Variants in CPEB3 observed in about 807,000 individuals in gnomAD.
The protein encoded by CPEB3 is cytoplasmic polyadenylation element binding protein 3.
Under a neutral mutation model 67.2 loss-of-function variants are expected in CPEB3, and 20 were observed. The observed-to-expected ratio is 0.30, with a 90% CI of 0.21 to 0.43. The LOEUF (loss-of-function observed/expected upper bound fraction) is 0.43. Among genes scored for constraint, CPEB3 ranks in the 20% least tolerant of loss-of-function variants. The pLI is 1.00. For synonymous variants in CPEB3, 376 were observed against 393.1 expected, an observed-to-expected ratio of 0.96 and a Z score of 0.51; for missense variants, 746 against 968.6, an observed-to-expected ratio of 0.77 and a Z score of 3.05.
intron 8 of CPEB3, among the ~76,000 whole-genome samples, chr10:92,087,965 G>A (rs12256118): frequency 0.27 from 40,914 of 152,012 alleles, 5,582 homozygotes; most frequent in Middle Eastern, 0.32. Flanking sequence ...CTTTCCTAAT[G>A]TGAGGGCAGG....
At chr10:92,236,786 T>C (rs1365442745) in intron 2 of CPEB3, among the ~76,000 whole-genome samples, 1 of 152,130 alleles carries the variant, frequency 6.6e-6, no homozygotes, top group East Asian at 1.9e-4. Context: ...GTGATTGCTT[T>C]TGCAATATAA....
intron 6 of CPEB3, among the ~76,000 whole-genome samples, chr10:92,114,652 C>A (rs1259045536): frequency 6.6e-6 from 1 of 152,140 alleles, no homozygotes; most frequent in African/African-American, 2.4e-5. Context: ...TGTGGTAAGC[C>A]CTATTTTGAA....
At chr10:92,277,122 C>T (rs913917176) in intron 1 of CPEB3, among the ~76,000 whole-genome samples, 6 of 152,100 alleles carry the variant, frequency 3.9e-5, no homozygotes, top group African/African-American at 7.2e-5. Context: ...TAGTATTATC[C>T]TTTCCAGCAA....
chr10:92,242,131 T>C (rs1305532581), intron 1 of CPEB3, among the ~76,000 whole-genome samples: 1 of 152,164 alleles, frequency 6.6e-6, no homozygotes, highest in East Asian at 1.9e-4. Context: ...ATTAAAATGG[T>C]TCATTAGTAT....
chr10:92,072,997 C>T (rs1590075456), intron 9 of CPEB3, among the ~76,000 whole-genome samples: 1 of 140,684 alleles, frequency 7.1e-6, no homozygotes, highest in African/African-American at 2.6e-5. Context: ...ATGCTAATGA[C>T]TTTTTTCCTT....
intron 2 of CPEB3, among the ~76,000 whole-genome samples, chr10:92,196,704 G>C (rs1213803595): frequency 6.6e-6 from 1 of 151,448 alleles, no homozygotes; most frequent in East Asian, 1.9e-4. Flanking sequence ...GGAGGCGGAG[G>C]TTGCAGTGAG....
intron 9 of CPEB3, among the ~76,000 whole-genome samples, chr10:92,076,691 C>T (rs906119058): frequency 3.3e-5 from 5 of 152,012 alleles, no homozygotes; most frequent in African/African-American, 9.7e-5. Context: ...TTGGATTATA[C>T]ACATGAGCCA....
intron 8 of CPEB3, among the ~76,000 whole-genome samples, chr10:92,085,440 T>C (rs1843331011): frequency 6.6e-6 from 1 of 152,146 alleles, no homozygotes. Flanking sequence ...ATGCTGGCTC[T>C]TGTGATGAGC....
intron 6 of CPEB3, among the ~76,000 whole-genome samples, chr10:92,130,045 C>T (rs568479477): frequency 6.6e-6 from 1 of 151,782 alleles, no homozygotes; most frequent in African/African-American, 2.4e-5. Flanking sequence ...TCCAAACAAA[C>T]AAACAAAAAA....
In CPEB3 at chr10:92,049,746, TCA is replaced by T. The variant is rs1852222958; in HGVS notation, c.*2464_*2465del. The T allele has an allele frequency of 6.6e-6, 1 of 152,632 alleles. No homozygotes were observed. The highest frequency in any genetic ancestry group is 2.4e-5 in the African/African-American group (1 of 41,460). The allele number at this position is 152,632 out of a possible 1,614,324, so 9.5% of individuals were successfully genotyped here. A position where few individuals can be genotyped will look rare whatever the true frequency, so the allele number is the denominator to read the frequency against. On this transcript the variant is annotated 3_prime_UTR_variant, in exon 10 of 10. Transcript: ENST00000265997. The stretch of plus-strand genomic sequence containing the variant: ...CAATCTTCCAGCTTTTAAAAAAATC[TCA>T]GTGTTATTTTAATACATGAAAGAGG...
At chr10:92,291,151 G>A (rs1418259924), upstream of CPEB3, 2 of 414,184 alleles carry the variant, frequency 4.8e-6, no homozygotes, top group Non-Finnish European at 8.7e-6. Context: ...TGGCGCGCAC[G>A]GAGGCGGCGA....
intron 4 of CPEB3, among the ~76,000 whole-genome samples, chr10:92,164,862 CA>C (rs1326213303): frequency 6.6e-6 from 1 of 152,140 alleles, no homozygotes; most frequent in Non-Finnish European, 1.5e-5. Context: ...CTTCTCACCC[CA>C]ATTTTCTTTT....
At chr10:92,164,184 C>T (rs1397008009) in intron 4 of CPEB3, among the ~76,000 whole-genome samples, 3 of 152,154 alleles carry the variant, frequency 2.0e-5, no homozygotes, top group African/African-American at 7.2e-5. Flanking sequence ...TCATTATACA[C>T]ATTTCCAGAT....
In CPEB3 at chr10:92,239,082, C is replaced by T. The variant is rs1304368844; in HGVS notation, c.1005+264G>A. The stretch of plus-strand genomic sequence containing the variant: ...GAAGTCAAAATAAGAGGTACAAACA[C>T]CATGAAGGAGAAAATAAACTAAAAG... On this transcript the variant is annotated intron_variant, in intron 2 of 9. Transcript: ENST00000265997. The surrounding 1 kb of genome is among the most constrained non-coding windows in gnomAD (Gnocchi z 6.0). Among the ~76,000 whole-genome samples, 1 of 152,086 alleles carries T rather than the reference C, an allele frequency of 6.6e-6. No individual in the cohort carries two copies. Among genetic ancestry groups the T allele is most frequent in the Non-Finnish European group, 1.5e-5 (1 of 68,018 alleles).
chr10:92,115,271 A>G (rs2133539813), intron 6 of CPEB3, among the ~76,000 whole-genome samples: 1 of 152,308 alleles, frequency 6.6e-6, no homozygotes, highest in East Asian at 1.9e-4. Context: ...CTCCTGCCTC[A>G]GCCTCCCGAG....
rs184259295 is a variant in CPEB3, at chr10:92,050,106, G to A, written c.*2106C>T. The stretch of plus-strand genomic sequence containing the variant: ...TCTGCCAACTTTTGAAAACTGTCTA[G>A]AATACAAAAAGTAGTAGTGCATAAC... On this transcript the variant is annotated 3_prime_UTR_variant, in exon 10 of 10. Transcript: ENST00000265997. 3.3e-3 allele frequency: 489 copies of A among 147,578 alleles called. 1 individual carries two copies. The Middle Eastern group carries it at 0.053, about 16-fold the overall frequency. 9.1% of individuals were successfully genotyped at this position (147,578 alleles called of 1,614,324 possible). A position where few individuals can be genotyped will look rare whatever the true frequency, so the allele number is the denominator to read the frequency against.
intron 1 of CPEB3, among the ~76,000 whole-genome samples, chr10:92,255,816 C>G (rs1010433293): frequency 6.6e-6 from 1 of 152,186 alleles, no homozygotes; most frequent in African/African-American, 2.4e-5. Context: ...TTACTTATCT[C>G]TTAATGTTTC....
At chr10:92,143,802 C>G (rs1846552117) in intron 5 of CPEB3, among the ~76,000 whole-genome samples, 1 of 152,040 alleles carries the variant, frequency 6.6e-6, no homozygotes, top group Non-Finnish European at 1.5e-5. Flanking sequence ...ATAATCTAAT[C>G]AATAGATGAG....
Position 92,239,727 on chromosome 10 carries a change from C to T in CPEB3, c.624G>A (p.Ala208=), listed in dbSNP as rs766324515. 2.6e-5 allele frequency: 40 copies of T among 1,528,720 alleles called. No homozygotes were observed. The Admixed American group carries it at 5.6e-4, about 22-fold the overall frequency. The allele number at this position is 1,528,720 out of a possible 1,614,324, so 94.7% of individuals were successfully genotyped here. The change falls in exon 2 of 10, where the codon GCG becomes GCA. Residue 208 remains alanine (A), a synonymous_variant. Coordinates refer to ENST00000265997, the MANE Select transcript of CPEB3 (RefSeq NM_014912.5). The surrounding 1 kb of genome is among the most constrained non-coding windows in gnomAD (Gnocchi z 6.0). ...TCATGATGGGCTGGTGGCCGTACGC[C>T]GCGGCGGCGCTCCTCTGCGCGTAGG... ...QAPYAQRSAA[A]AYGHQPIMTS...
Sources: gnomAD v4.1 joint callset for allele counts (sites outside exome capture counted in the v4.1 genomes callset) on GRCh38, gnomAD v4.1.1 for gene constraint, Gnocchi (gnomAD v3.1) non-coding constraint, MANE v1.5 for transcripts, NCBI Gene and HGNC (gene_info 2026-07-23, HGNC 2026-07-21) for gene names.